Variants in LSAMP observed in about 807,000 individuals in gnomAD.
LSAMP encodes limbic system associated membrane protein, also known as limbic system-associated membrane protein.
In LSAMP, 7 loss-of-function variants were observed where a neutral mutation model predicts 38.6. That is an observed-to-expected ratio of 0.18 (90% CI 0.10 to 0.34). The LOEUF is 0.34. LSAMP is among the 10% of genes least tolerant of loss of function. The pLI, the probability that LSAMP is intolerant of heterozygous loss-of-function variation, is 1.00. For missense variants in LSAMP, 313 were observed against 420.0 expected (o/e 0.75, Z 2.23); for synonymous variants, 154 against 166.8 (o/e 0.92, Z 0.59).
chr3:116,041,331 G>T lies in LSAMP; in HGVS notation c.389-21691C>A, dbSNP rs113442817. ...TAAGTGATTTCTGAATTGCACAGTT[G>T]CTTGTTAATGAACATCAATTTATCA... On this transcript the variant is annotated intron_variant, in intron 2 of 6. Transcript: ENST00000490035. Among the ~76,000 whole-genome samples the T allele has an allele frequency of 9.0e-3, 1,377 of 152,180 alleles. 21 individuals are homozygous for T. Among genetic ancestry groups the T allele is most frequent in the African/African-American group, 0.03 (1,243 of 41,506 alleles).
intron 1 of LSAMP, among the ~76,000 whole-genome samples, chr3:116,404,730 T>C (rs2048879926): frequency 6.6e-6 from 1 of 152,138 alleles, no homozygotes; most frequent in African/African-American, 2.4e-5. Flanking sequence ...ACAGATCACA[T>C]GATTCTAAGG....
intron 1 of LSAMP, among the ~76,000 whole-genome samples, chr3:116,095,929 C>T (rs1708217071): frequency 2.0e-5 from 3 of 152,058 alleles, no homozygotes; most frequent in South Asian, 4.1e-4. Flanking sequence ...GGTGGGGTGG[C>T]GATAGGTTTA....
At chr3:116,218,237 G>A (rs1321797715) in intron 1 of LSAMP, among the ~76,000 whole-genome samples, 1 of 152,050 alleles carries the variant, frequency 6.6e-6, no homozygotes, top group Non-Finnish European at 1.5e-5. Flanking sequence ...GGAGAAAGAA[G>A]ATGCAAACTA....
chr3:116,346,718 G>A (rs1227139657), intron 1 of LSAMP, among the ~76,000 whole-genome samples: 3 of 152,162 alleles, frequency 2.0e-5, no homozygotes, highest in African/African-American at 7.2e-5. Context: ...GGGGCTGTAT[G>A]TGTCGACACA....
intron 1 of LSAMP, among the ~76,000 whole-genome samples, chr3:116,266,173 C>T (rs73143009): frequency 2.0e-5 from 3 of 152,154 alleles, no homozygotes; most frequent in African/African-American, 7.2e-5. Flanking sequence ...CTTCCCCACA[C>T]AAGGGGAAAC....
At chr3:116,007,431 C>T (rs142813919) in intron 3 of LSAMP, among the ~76,000 whole-genome samples, 1 of 152,198 alleles carries the variant, frequency 6.6e-6, no homozygotes, top group African/African-American at 2.4e-5. Context: ...TGAATTGCAG[C>T]CTCAGTGTAC....
intron 6 of LSAMP, among the ~76,000 whole-genome samples, chr3:115,834,293 T>G (rs1382533291): frequency 6.6e-6 from 1 of 152,110 alleles, no homozygotes; most frequent in Non-Finnish European, 1.5e-5. Context: ...AAATATTGAC[T>G]GTAGAAAAAA....
intron 1 of LSAMP, among the ~76,000 whole-genome samples, chr3:116,427,287 A>AT (rs1236639081): frequency 2.0e-5 from 3 of 150,980 alleles, no homozygotes; most frequent in African/African-American, 7.3e-5. Flanking sequence ...CGCCCGGCTA[A>AT]TTTTTTGTAT....
intron 1 of LSAMP, among the ~76,000 whole-genome samples, chr3:116,280,585 C>A (rs908951634): frequency 6.6e-6 from 1 of 152,124 alleles, no homozygotes; most frequent in Admixed American, 6.5e-5. Flanking sequence ...CTGTGCTATT[C>A]GATGATACTT....
chr3:115,856,463 C>CA (rs943512667), intron 3 of LSAMP, among the ~76,000 whole-genome samples: 7 of 151,808 alleles, frequency 4.6e-5, no homozygotes, highest in Non-Finnish European at 1.0e-4. Flanking sequence ...ACTAAAAATA[C>CA]AAAAAAATTA....
intron 2 of LSAMP, among the ~76,000 whole-genome samples, chr3:116,078,711 C>T (rs1707805843): frequency 6.6e-6 from 1 of 152,130 alleles, no homozygotes; most frequent in Admixed American, 6.5e-5. Context: ...CCAAATTGTC[C>T]TATACTTGGC....
At chr3:116,393,914 G>A (rs1381599426) in intron 1 of LSAMP, among the ~76,000 whole-genome samples, 1 of 152,178 alleles carries the variant, frequency 6.6e-6, no homozygotes, top group Non-Finnish European at 1.5e-5. Context: ...TGCATGGAAC[G>A]ACAAGGAAGC....
At chr3:116,175,616 C>A (rs1710319599) in intron 1 of LSAMP, among the ~76,000 whole-genome samples, 1 of 151,856 alleles carries the variant, frequency 6.6e-6, no homozygotes, top group Non-Finnish European at 1.5e-5. Flanking sequence ...GAGGTGTACA[C>A]CCAAGGAAAG....
At chr3:115,878,455 T>A (rs1936240836) in intron 3 of LSAMP, among the ~76,000 whole-genome samples, 3 of 10,140 alleles carry the variant, frequency 3.0e-4, no homozygotes, top group Non-Finnish European at 8.1e-4. Flanking sequence ...ATGCTATTCT[T>A]TTTTTTTTTT....
In LSAMP at chr3:116,010,487, G is replaced by T. The variant is rs1940293050; in HGVS notation, c.514+9028C>A. On this transcript the variant is annotated intron_variant, in intron 3 of 6. Coordinates refer to ENST00000490035, the MANE Select transcript of LSAMP (RefSeq NM_002338.5). ...CATGAGGAAAATAGACAGTAAAAAA[G>T]TAAACAAATGTTTAAAACAATTACT... Among the ~76,000 whole-genome samples the T allele has an allele frequency of 1.3e-5, 2 of 152,162 alleles. 1 individual carries two copies. The highest frequency in any genetic ancestry group is 4.1e-4 in the South Asian group (2 of 4,826).
intron 1 of LSAMP, among the ~76,000 whole-genome samples, chr3:116,149,131 G>A (rs983281617): frequency 2.6e-5 from 4 of 151,992 alleles, no homozygotes; most frequent in African/African-American, 9.7e-5. Flanking sequence ...GAGGGTTCAT[G>A]TGCAGAATGG....
chr3:116,085,246 T>A (rs1273454166), intron 2 of LSAMP, among the ~76,000 whole-genome samples: 3 of 152,134 alleles, frequency 2.0e-5, no homozygotes, highest in Non-Finnish European at 2.9e-5. Flanking sequence ...TGGACCAAAA[T>A]AGAGGCCACA....
At chr3:115,882,364 A>G (rs966991455) in intron 3 of LSAMP, among the ~76,000 whole-genome samples, 1 of 152,080 alleles carries the variant, frequency 6.6e-6, no homozygotes, top group Non-Finnish European at 1.5e-5. Flanking sequence ...AAATAAGACA[A>G]TCTTTCCAAT....
chr3:116,154,256 G>T (rs929161087), intron 1 of LSAMP, among the ~76,000 whole-genome samples: 1 of 152,130 alleles, frequency 6.6e-6, no homozygotes, highest in African/African-American at 2.4e-5. Flanking sequence ...GGAGCTGCAA[G>T]ACCAAAGATT....
Sources: allele counts gnomAD v4.1 joint callset (sites outside exome capture counted in the v4.1 genomes callset), GRCh38; gene constraint gnomAD v4.1.1; transcripts MANE v1.5; gene names NCBI Gene and HGNC (gene_info 2026-07-23, HGNC 2026-07-21).